Variants in DAD1 observed in about 807,000 individuals in gnomAD.
DAD1 encodes defender against cell death 1.
DAD1 carries 4 observed loss-of-function variants against 9.0 expected under a neutral mutation model. The ratio of observed to expected loss-of-function variants is 0.44; its 90% CI spans 0.22 to 1.01. DAD1 has a LOEUF of 1.01. Ranked by LOEUF, DAD1 falls within the 50% of genes least tolerant of loss-of-function variation. DAD1 has a pLI of 0.24. For missense variants in DAD1, 119 were observed against 137.3 expected, an observed-to-expected ratio of 0.87 and a Z score of 0.67; for synonymous variants, 60 against 62.5, an observed-to-expected ratio of 0.96 and a Z score of 0.19.
chr14:22,575,170 C>T lies in DAD1; in HGVS notation c.275G>A (p.Arg92Gln), dbSNP rs1310351562. Residue 92 changes from arginine to glutamine, a missense_variant, in exon 2 of 3, where the codon CGA (arginine) becomes CAA (glutamine). Coordinates refer to ENST00000250498, the MANE Select transcript of DAD1 (RefSeq NM_001344.4). ...GGCAAAGAGAAAATCAGCAAAGGCT[C>T]GCTCTGGGGAGATGCCTTGGAAATC... ...KADFQGISPE[R>Q]AFADFLFAST... 4 of 1,614,160 alleles carry T rather than the reference C, an allele frequency of 2.5e-6. No individual in the cohort carries two copies. Among genetic ancestry groups the T allele is most frequent in the South Asian group, 1.1e-5 (1 of 91,084 alleles).
intron 1 of DAD1, among the ~76,000 whole-genome samples, chr14:22,576,016 G>A (rs8019701): frequency 0.092 from 13,943 of 152,026 alleles, 1,169 homozygotes; most frequent in African/African-American, 0.22. Flanking sequence ...GGAATATTCT[G>A]GGATGCAGCC....
intron 2 of DAD1, among the ~76,000 whole-genome samples, chr14:22,572,711 A>G (rs1379910757): frequency 1.3e-5 from 2 of 151,602 alleles, no homozygotes; most frequent in African/African-American, 4.9e-5. Context: ...CTAAGAAATA[A>G]TTTTCCATGA....
intron 2 of DAD1, 126 bp from the exon 3 acceptor site, chr14:22,565,263 C>T (rs2036995178): frequency 3.5e-6 from 2 of 570,024 alleles, no homozygotes; most frequent in African/African-American, 1.9e-5. Context: ...ATATTTAAAC[C>T]AGGCGAGAAA....
intron 1 of DAD1, among the ~76,000 whole-genome samples, chr14:22,580,252 T>C (rs1340469140): frequency 6.8e-6 from 1 of 147,684 alleles, no homozygotes; most frequent in African/African-American, 2.6e-5. Flanking sequence ...ACCCTGTCTC[T>C]ACAAAAAAAA....
intron 2 of DAD1, among the ~76,000 whole-genome samples, chr14:22,571,006 AG>A (rs1365886828): frequency 1.7e-5 from 2 of 114,842 alleles, no homozygotes; most frequent in Admixed American, 8.3e-5. Flanking sequence ...AGATGGACTG[AG>A]ATTTTTTTTT....
chr14:22,583,556 T>C (rs969351495), intron 1 of DAD1, among the ~76,000 whole-genome samples: 1 of 152,142 alleles, frequency 6.6e-6, no homozygotes, highest in Non-Finnish European at 1.5e-5. Context: ...TTCAAGAAAT[T>C]CTGTAATGAT....
At chr14:22,577,339 C>T (rs929167950) in intron 1 of DAD1, among the ~76,000 whole-genome samples, 2 of 152,104 alleles carry the variant, frequency 1.3e-5, no homozygotes, top group Non-Finnish European at 2.9e-5. Flanking sequence ...GAAGCTGAGG[C>T]AGAAGAATCG....
intron 1 of DAD1, among the ~76,000 whole-genome samples, chr14:22,585,981 C>T (rs1161003286): frequency 2.0e-5 from 3 of 151,546 alleles, no homozygotes; most frequent in Non-Finnish European, 2.9e-5. Context: ...CCGAGGCGGG[C>T]GAATCACGAG....
intron 1 of DAD1, among the ~76,000 whole-genome samples, chr14:22,585,696 A>G (rs2037146912): frequency 6.6e-6 from 1 of 152,228 alleles, no homozygotes; most frequent in Admixed American, 6.5e-5. Context: ...TCATACCATC[A>G]GGCCCAATAA....
intron 2 of DAD1, among the ~76,000 whole-genome samples, chr14:22,570,601 C>T (rs530657477): frequency 1.9e-3 from 284 of 152,300 alleles, no homozygotes; most frequent in African/African-American, 6.4e-3. Flanking sequence ...ACATCAAGTT[C>T]CCCTTCCCGA....
intron 1 of DAD1, among the ~76,000 whole-genome samples, chr14:22,582,451 G>A (rs1228832981): frequency 6.8e-6 from 1 of 146,814 alleles, no homozygotes; most frequent in Non-Finnish European, 1.5e-5. Flanking sequence ...GTGAACCCGG[G>A]AGGCGGAGCT....
At position 22,589,074 on chromosome 14, in the gene DAD1, G is replaced by A; in HGVS notation, c.84C>T (p.Asp28=). 2 of 1,614,216 alleles carry A rather than the reference G, an allele frequency of 1.2e-6. No individual in the cohort carries two copies. The highest frequency in any genetic ancestry group is 1.7e-6 in the Non-Finnish European group (2 of 1,180,042). Residue 28 remains aspartate (D), a synonymous_variant, in exon 1 of 3, where the codon GAC becomes GAT. Transcript: ENST00000250498. ...TCAGCAGTATATACAGCAGGTACGC[G>A]TCCAGCAACTTCAGACGCTGCGGAG... ...SSTPQRLKLL[D]AYLLYILLTG...
At position 22,575,093 on chromosome 14, in the gene DAD1, T is replaced by C. The variant is rs1331048005; in HGVS notation, c.*10A>G. On this transcript the variant is annotated 3_prime_UTR_variant, in exon 2 of 3. Coordinates refer to ENST00000250498, the MANE Select transcript of DAD1 (RefSeq NM_001344.4). ...GTCTCCTACTCCTCAATTAAGTAAATGAGAATGATTCAGCCAACAAAGTTC... is the reference window on the plus strand; with the variant it reads ...GTCTCCTACTCCTCAATTAAGTAAACGAGAATGATTCAGCCAACAAAGTTC... The C allele has an allele frequency of 2.5e-6, 4 of 1,613,400 alleles. No individual in the cohort carries two copies. The highest frequency in any genetic ancestry group is 3.4e-6 in the Non-Finnish European group (4 of 1,179,688).
In DAD1 at chr14:22,575,129, G is replaced by C. The variant is rs778276444; in HGVS notation, c.316C>G (p.Leu106Val). ...CAGCCAACAAAGTTCATGACAACAA[G>C]GTGCAGGATGGTGCTGGCAAAGAGA... ...DFLFASTILH[L>V]VVMNFVG Residue 106 changes from leucine to valine, a missense_variant, in exon 2 of 3, where the codon CTT becomes GTT. Coordinates refer to ENST00000250498, the MANE Select transcript of DAD1 (RefSeq NM_001344.4). The C allele has an allele frequency of 6.2e-7, 1 of 1,614,048 alleles. No individual in the cohort carries two copies. The highest frequency in any genetic ancestry group is 1.1e-5 in the South Asian group (1 of 91,068).
At chr14:22,583,227 GTTAT>G (rs780097842) in intron 1 of DAD1, among the ~76,000 whole-genome samples, 17 of 150,054 alleles carry the variant, frequency 1.1e-4, no homozygotes, top group Non-Finnish European at 1.9e-4. Flanking sequence ...GTATACAGGT[GTTAT>G]TTAAGTTTAT....
chr14:22,569,325 C>G (rs1371558572), intron 2 of DAD1, among the ~76,000 whole-genome samples: 1 of 151,422 alleles, frequency 6.6e-6, no homozygotes, highest in Non-Finnish European at 1.5e-5. Flanking sequence ...CCCAGCTACT[C>G]AAGAGGCTGA....
intron 2 of DAD1, among the ~76,000 whole-genome samples, chr14:22,572,112 C>T (rs2037045464): frequency 6.6e-6 from 1 of 152,096 alleles, no homozygotes; most frequent in Non-Finnish European, 1.5e-5. Context: ...ATTTTTTTAA[C>T]CCAATGCCAT....
At chr14:22,578,392 C>T (rs996016365) in intron 1 of DAD1, among the ~76,000 whole-genome samples, 1 of 152,166 alleles carries the variant, frequency 6.6e-6, no homozygotes, top group African/African-American at 2.4e-5. Flanking sequence ...TGGGGAAACC[C>T]CATCTCTAAT....
At chr14:22,572,756 A>G (rs3811189) in intron 2 of DAD1, among the ~76,000 whole-genome samples, 40,151 of 152,038 alleles carry the variant, frequency 0.26, 5,499 homozygotes, top group Admixed American at 0.29. Flanking sequence ...AACATCCTTG[A>G]AATGTTTGCT....
Sources: gnomAD v4.1 joint callset for allele counts (sites outside exome capture counted in the v4.1 genomes callset) on GRCh38, gnomAD v4.1.1 for gene constraint, MANE v1.5 for transcripts, NCBI Gene and HGNC (gene_info 2026-07-23, HGNC 2026-07-21) for gene names.